PRTG: variants seen among roughly 807,000 people sequenced by gnomAD.
PRTG encodes immunoglobulin superfamily, DCC subclass, member 5.
A neutral mutation model predicts 122.5 loss-of-function variants in PRTG; 67 were observed. The observed-to-expected ratio is 0.55, with a 90% CI of 0.45 to 0.67. The LOEUF is 0.67. Among genes scored for constraint, PRTG ranks in the 30% least tolerant of loss-of-function variants. The pLI is 0.00. For missense variants in PRTG, 1,435 were observed against 1,415.4 expected (o/e 1.01, Z -0.22); for synonymous variants, 554 against 501.1 (o/e 1.11, Z -1.41).
At chr15:55,716,141 G>C (rs1297509985) in intron 2 of PRTG, among the ~76,000 whole-genome samples, 15 of 152,212 alleles carry the variant, frequency 9.9e-5, no homozygotes, top group African/African-American at 3.6e-4. Flanking sequence ...GCTGAGACGG[G>C]AGAATCGCTT....
intron 11 of PRTG, among the ~76,000 whole-genome samples, chr15:55,661,469 A>C (rs1412356324): frequency 6.6e-6 from 1 of 152,182 alleles, no homozygotes; most frequent in Non-Finnish European, 1.5e-5. Flanking sequence ...GGTTCTTTTC[A>C]GTCAGGCATG....
chr15:55,647,665 T>C (rs2059331618), intron 11 of PRTG, among the ~76,000 whole-genome samples: 1 of 152,206 alleles, frequency 6.6e-6, no homozygotes, highest in African/African-American at 2.4e-5. Context: ...AAATACTATA[T>C]TGTTGCCATG....
At chr15:55,636,663 C>T (rs573529332) in intron 15 of PRTG, among the ~76,000 whole-genome samples, 1 of 151,870 alleles carries the variant, frequency 6.6e-6, no homozygotes, top group African/African-American at 2.4e-5. Context: ...TTTTACCCCC[C>T]CGAGACAGAG....
At chr15:55,680,289 C>T (rs985734431) in intron 5 of PRTG, 77 bp from the exon 6 acceptor site, 2 of 1,244,772 alleles carry the variant, frequency 1.6e-6, no homozygotes, top group Admixed American at 4.2e-5. Context: ...ACTATCCAAG[C>T]AATCAATCAT....
intron 11 of PRTG, among the ~76,000 whole-genome samples, chr15:55,648,509 C>T (rs576625570): frequency 5.9e-5 from 9 of 152,262 alleles, no homozygotes; most frequent in Admixed American, 4.6e-4. Context: ...TGCCTTCGTC[C>T]GGCATTTTAC....
At chr15:55,661,197 C>G (rs1226902243) in intron 11 of PRTG, among the ~76,000 whole-genome samples, 1 of 152,070 alleles carries the variant, frequency 6.6e-6, no homozygotes, top group Non-Finnish European at 1.5e-5. Context: ...TTGAGGGAGC[C>G]AGCAGGAGGG....
chr15:55,624,962 A>C (rs992921029), intron 17 of PRTG, among the ~76,000 whole-genome samples: 1 of 152,210 alleles, frequency 6.6e-6, no homozygotes, highest in Non-Finnish European at 1.5e-5. Flanking sequence ...TTGGACAATA[A>C]AACTAAGGCA....
chr15:55,622,655 C>T (rs367885830), intron 18 of PRTG, among the ~76,000 whole-genome samples: 4 of 151,392 alleles, frequency 2.6e-5, no homozygotes, highest in Middle Eastern at 3.4e-3. Context: ...TCTCCCAAAG[C>T]GCTGGGATTA....
chr15:55,740,688 T>A lies in PRTG; in HGVS notation c.95-4A>T, dbSNP rs1424238546. ...AGTTCGCTAAAGCACCACACTCCTA[T>A]AAGGAAAAAAAAGGAGAACGGCACA... On this transcript the variant is annotated splice_region_variant and splice_polypyrimidine_tract_variant and intron_variant, in intron 1 of 19. Transcript: ENST00000389286. 2.5e-6 allele frequency: 4 copies of A among 1,590,404 alleles called. No individual in the cohort carries two copies. The highest frequency in any genetic ancestry group is 1.4e-5 in the African/African-American group (1 of 73,144).
chr15:55,735,966 T>C (rs1416483934), intron 2 of PRTG, among the ~76,000 whole-genome samples: 1 of 152,214 alleles, frequency 6.6e-6, no homozygotes, highest in Non-Finnish European at 1.5e-5. Context: ...TTGACTTATG[T>C]AATATTGAGA....
At chr15:55,710,428 T>A (rs977693722) in intron 2 of PRTG, among the ~76,000 whole-genome samples, 8 of 152,344 alleles carry the variant, frequency 5.3e-5, no homozygotes, top group African/African-American at 1.4e-4. Flanking sequence ...TGTAGCACTT[T>A]CTTCCCCCCA....
chr15:55,641,304 G>T, intron 11 of PRTG, 96 bp from the exon 12 acceptor site: 2 of 769,574 alleles, frequency 2.6e-6, no homozygotes, highest in Non-Finnish European at 4.3e-6. Context: ...TTAAAAACCT[G>T]CTGAATGCAT....
intron 2 of PRTG, among the ~76,000 whole-genome samples, chr15:55,692,143 C>A (rs1718633216): frequency 6.6e-6 from 1 of 152,108 alleles, no homozygotes; most frequent in Non-Finnish European, 1.5e-5. Flanking sequence ...AAACAAATCT[C>A]TTTTTTAAAA....
intron 2 of PRTG, among the ~76,000 whole-genome samples, chr15:55,739,423 C>T (rs564721374): frequency 6.6e-6 from 1 of 152,162 alleles, no homozygotes; most frequent in Non-Finnish European, 1.5e-5. Flanking sequence ...CTCAAGAATG[C>T]CATCTACCTA....
chr15:55,741,835 G>A (rs1246922146), intron 1 of PRTG, among the ~76,000 whole-genome samples: 2 of 152,226 alleles, frequency 1.3e-5, no homozygotes, highest in Non-Finnish European at 2.9e-5. Flanking sequence ...GGACCACTCC[G>A]GAAGGCGCCC....
chr15:55,662,260 C>T lies in PRTG; in HGVS notation c.2041+10185G>A, dbSNP rs764529914. 3.9e-5 allele frequency among the ~76,000 whole-genome samples: 6 copies of T among 152,252 alleles called. No homozygotes were observed. In the South Asian group the frequency reaches 8.3e-4, roughly 21 times the overall value. ...CTCTGATACACTGCTATACACAGCA[C>T]GCAAGTAAAAGGTATTTCTTCTCTC... On this transcript the variant is annotated intron_variant, in intron 11 of 19. Transcript: ENST00000389286.
intron 2 of PRTG, among the ~76,000 whole-genome samples, chr15:55,697,874 C>T (rs1165223350): frequency 6.6e-6 from 1 of 152,192 alleles, no homozygotes; most frequent in African/African-American, 2.4e-5. Context: ...TAAGGTAATG[C>T]ATGTAAAGTA....
intron 2 of PRTG, among the ~76,000 whole-genome samples, chr15:55,732,654 C>T (rs2031276445): frequency 6.6e-6 from 1 of 151,976 alleles, no homozygotes; most frequent in Admixed American, 6.6e-5. Context: ...GCCACCACAC[C>T]CGGCTAGTTT....
Position 55,680,497 on chromosome 15 carries a change from G to A in PRTG, c.808C>T (p.Arg270Cys), listed in dbSNP as rs753514502. Residue 270 changes from arginine to cysteine, a missense_variant, in exon 5 of 20, where the codon CGC becomes TGC. Coordinates refer to ENST00000389286, the MANE Select transcript of PRTG (RefSeq NM_173814.6). ...GNPKPIISWS[R>C]LDHKSIDVFN... ...TTTTCCTGAGAAGACTTACCAAGGC[G>A]GCTCCAAGAAATGATTGGTTTGGGA... 14 of 1,586,308 alleles carry A rather than the reference G, an allele frequency of 8.8e-6. No individual in the cohort carries two copies. Among genetic ancestry groups the A allele is most frequent in the African/African-American group, 8.2e-5 (6 of 73,496 alleles).
Sources: allele counts gnomAD v4.1 joint callset (sites outside exome capture counted in the v4.1 genomes callset), GRCh38; gene constraint gnomAD v4.1.1; transcripts MANE v1.5; gene names NCBI Gene and HGNC (gene_info 2026-07-23, HGNC 2026-07-21).